The following TICAM2 variants were observed in gnomAD, a reference collection of about 807,000 sequenced individuals.
The protein encoded by TICAM2 is TIR domain-containing adapter molecule 2.
In TICAM2, 8 loss-of-function variants were observed where a neutral mutation model predicts 7.3. The ratio of observed to expected loss-of-function variants is 1.10; its 90% CI spans 0.65 to 1.99. The LOEUF (loss-of-function observed/expected upper bound fraction) is 1.99. Among genes scored for constraint, TICAM2 ranks in the 30% most tolerant of loss-of-function variants. The probability of loss-of-function intolerance (pLI) is 0.00; values close to 1 mark genes in which losing one functional copy is unlikely to be tolerated. For missense variants in TICAM2, 304 were observed against 278.8 expected (o/e 1.09, Z -0.65); for synonymous variants, 113 against 99.6 (o/e 1.13, Z -0.80).
intron 1 of TICAM2, among the ~76,000 whole-genome samples, chr5:115,599,815 C>G (rs971325412): frequency 6.6e-6 from 1 of 151,222 alleles, no homozygotes; most frequent in African/African-American, 2.4e-5. Flanking sequence ...CTAGATCACA[C>G]AGGGCTTTAA....
At chr5:115,583,636 C>T (rs901565684) in intron 1 of TICAM2, among the ~76,000 whole-genome samples, 7 of 152,274 alleles carry the variant, frequency 4.6e-5, no homozygotes, top group Admixed American at 3.9e-4. Context: ...GAAAGTTGTG[C>T]TGTTCCCACC....
intron 1 of TICAM2, among the ~76,000 whole-genome samples, chr5:115,595,044 G>C (rs1755456287): frequency 6.6e-6 from 1 of 152,040 alleles, no homozygotes; most frequent in Non-Finnish European, 1.5e-5. Flanking sequence ...ATAGAGGCTG[G>C]GCCACAAGAA....
chr5:115,592,240 T>C (rs1288203852), intron 1 of TICAM2, among the ~76,000 whole-genome samples: 1 of 152,220 alleles, frequency 6.6e-6, no homozygotes, highest in Non-Finnish European at 1.5e-5. Flanking sequence ...AAAAAGATTA[T>C]GACCAATCAT....
chr5:115,598,769 C>A (rs1487133557), intron 1 of TICAM2, among the ~76,000 whole-genome samples: 2 of 151,980 alleles, frequency 1.3e-5, no homozygotes, highest in Non-Finnish European at 2.9e-5. Context: ...AAGGAATTTT[C>A]TTCTTTTCTT....
intron 1 of TICAM2, among the ~76,000 whole-genome samples, chr5:115,593,668 C>T (rs928464731): frequency 2.6e-5 from 4 of 151,966 alleles, no homozygotes; most frequent in African/African-American, 9.7e-5. Context: ...TGGGTTTTAC[C>T]GGTTCAATTC....
rs1275776815 is a variant in TICAM2, at chr5:115,578,624, G to T, written c.*1925C>A. The T allele has an allele frequency of 6.6e-6, 1 of 152,154 alleles. No homozygotes were observed. Among genetic ancestry groups the T allele is most frequent in the Non-Finnish European group, 1.5e-5 (1 of 68,026 alleles). 9.4% of individuals were successfully genotyped at this position (152,154 alleles called of 1,614,324 possible). On this transcript the variant is annotated 3_prime_UTR_variant, in exon 2 of 2. Transcript: ENST00000427199. The stretch of plus-strand genomic sequence containing the variant: ...CTCTTCCACAATCTTCATTGGAGTT[G>T]AAAATAAACAAGTTTAGTCAAGAGT...
Position 115,580,695 on chromosome 5 carries a change from C to G in TICAM2, c.562G>C (p.Ala188Pro), listed in dbSNP as rs1754886842. Residue 188 changes from alanine to proline, a missense_variant, in exon 2 of 2, where the codon GCC (alanine) becomes CCC (proline). Ala to Pro is a conservative substitution (Grantham distance 27, BLOSUM62 -1). Transcript: ENST00000427199. Reference protein sequence around the residue: ...NPLPRERTPFALQTINALEEE... With the variant: ...NPLPRERTPFPLQTINALEEE... ...TCTAAGGCATTGATGGTTTGGAGGG[C>G]AAAGGGAGTCCTTTCTCGGGGAAGG... 8.8e-6 allele frequency: 14 copies of G among 1,595,914 alleles called. No individual in the cohort carries two copies. Among genetic ancestry groups the G allele is most frequent in the Non-Finnish European group, 1.2e-5 (14 of 1,173,318 alleles).
chr5:115,585,128 T>C lies in TICAM2; in HGVS notation c.-59-3813A>G, dbSNP rs7727636. 9.6e-3 allele frequency among the ~76,000 whole-genome samples: 1,466 copies of C among 152,340 alleles called. 27 individuals carry two copies. The highest frequency in any genetic ancestry group is 0.034 in the African/African-American group (1,406 of 41,574). ...CTTAATCAATATATTTGTGCTTTTA[T>C]TTCATTATCTGTAAAATAATTATAG... On this transcript the variant is annotated intron_variant, in intron 1 of 1. Transcript: ENST00000427199.
chr5:115,585,258 A>G (rs954285887), intron 1 of TICAM2, among the ~76,000 whole-genome samples: 3 of 152,246 alleles, frequency 2.0e-5, no homozygotes, highest in Admixed American at 6.5e-5. Flanking sequence ...TATTAAATAC[A>G]TAACAAAGAA....
chr5:115,588,270 T>G (rs945842085), intron 1 of TICAM2, among the ~76,000 whole-genome samples: 5 of 152,212 alleles, frequency 3.3e-5, no homozygotes, highest in African/African-American at 1.2e-4. Context: ...TCTTGGGCAC[T>G]GGGTAAGCTC....
intron 1 of TICAM2, among the ~76,000 whole-genome samples, chr5:115,599,345 G>A (rs1328441153): frequency 6.6e-6 from 1 of 152,006 alleles, no homozygotes; most frequent in Non-Finnish European, 1.5e-5. Context: ...TTAGTGAACT[G>A]GATATTTTTC....
intron 1 of TICAM2, among the ~76,000 whole-genome samples, chr5:115,593,392 A>G (rs1755384958): frequency 9.3e-6 from 1 of 108,106 alleles, no homozygotes; most frequent in Non-Finnish European, 1.8e-5. Flanking sequence ...AACAAAGATA[A>G]AAGATAAAAT....
At chr5:115,587,742 C>G (rs1267039559) in intron 1 of TICAM2, among the ~76,000 whole-genome samples, 3 of 152,074 alleles carry the variant, frequency 2.0e-5, no homozygotes, top group African/African-American at 7.2e-5. Flanking sequence ...GCTTGGGTGC[C>G]CATGGCTTCC....
chr5:115,597,340 G>A (rs1046457800), intron 1 of TICAM2, among the ~76,000 whole-genome samples: 8 of 152,132 alleles, frequency 5.3e-5, no homozygotes, highest in Non-Finnish European at 1.2e-4. Context: ...TGAAGTATGA[G>A]TTATATGACT....
At chr5:115,589,837 T>C (rs1755237773) in intron 1 of TICAM2, among the ~76,000 whole-genome samples, 1 of 152,208 alleles carries the variant, frequency 6.6e-6, no homozygotes, top group African/African-American at 2.4e-5. Context: ...GAGCCTAGCA[T>C]ATAGTTAGCA....
chr5:115,584,590 G>A (rs529044902), intron 1 of TICAM2, among the ~76,000 whole-genome samples: 14 of 152,284 alleles, frequency 9.2e-5, no homozygotes, highest in South Asian at 2.1e-4. Context: ...ATTGCTCTCC[G>A]TAGGGCTGAG....
rs1471137360 is a variant in TICAM2 at position 115,580,638 on chromosome 5, C to G, written c.619G>C (p.Glu207Gln). The G allele has an allele frequency of 1.3e-6, 2 of 1,584,390 alleles. No homozygotes were observed. Among genetic ancestry groups the G allele is most frequent in the Admixed American group, 3.8e-5 (2 of 52,168 alleles). ...EESRGFPTQV[E>Q]RIFQESVYKT... ...TACACAGACTCCTGAAAAATTCTTT[C>G]TACTTGTGTAGGAAATCCACGACTT... Residue 207 changes from glutamate to glutamine, a missense_variant, in exon 2 of 2, where the codon GAA becomes CAA. By Grantham distance (29) the Glu-to-Gln change is conservative (BLOSUM62 2). Coordinates refer to ENST00000427199, the MANE Select transcript of TICAM2 (RefSeq NM_021649.7).
intron 1 of TICAM2, among the ~76,000 whole-genome samples, chr5:115,598,463 T>C (rs1755594194): frequency 6.6e-6 from 1 of 152,152 alleles, no homozygotes; most frequent in Non-Finnish European, 1.5e-5. Flanking sequence ...CTTGAGCAAG[T>C]AAATGTTTAA....
intron 1 of TICAM2, among the ~76,000 whole-genome samples, chr5:115,593,381 T>C (rs1211417971): frequency 1.4e-5 from 2 of 139,030 alleles, no homozygotes; most frequent in South Asian, 4.6e-4. Context: ...TGAATACCAA[T>C]AACAAAGATA....
Sources: allele counts gnomAD v4.1 joint callset (sites outside exome capture counted in the v4.1 genomes callset), GRCh38; gene constraint gnomAD v4.1.1; transcripts MANE v1.5; gene names NCBI Gene and HGNC (gene_info 2026-07-23, HGNC 2026-07-21).